The following BLTP2 variants were observed in gnomAD, a reference collection of about 807,000 sequenced individuals.
BLTP2 encodes bridge-like lipid transfer protein family member 2, also known as U937-associated antigen.
At chr17:28,643,559 C>T in the BLTP2 span, 1 of 1,565,042 alleles carries the variant, frequency 6.4e-7, no homozygotes, top group Non-Finnish European at 8.8e-7. Flanking sequence ...TCTGCAAACA[C>T]CAACTCCAAA....
At chr17:28,631,161 C>T in the BLTP2 span, among the ~76,000 whole-genome samples, 77 of 152,160 alleles carry the variant, frequency 5.1e-4, 1 homozygote, top group Middle Eastern at 0.014. Context: ...CATAAGGTCA[C>T]GAGGGTGGGG....
chr17:28,632,034 A>C, the BLTP2 span: 1 of 1,610,734 alleles, frequency 6.2e-7, no homozygotes, highest in Non-Finnish European at 8.5e-7. Flanking sequence ...GTCAGCAGGG[A>C]CATCAGTGCC....
the BLTP2 span, among the ~76,000 whole-genome samples, chr17:28,622,754 C>G: frequency 3.3e-5 from 5 of 152,162 alleles, no homozygotes; most frequent in African/African-American, 1.2e-4. Flanking sequence ...TTGTTTCTGC[C>G]AACTGCTCAC....
chr17:28,631,818 A>C, the BLTP2 span: 1 of 1,613,400 alleles, frequency 6.2e-7, no homozygotes, highest in Non-Finnish European at 8.5e-7. Context: ...CTTTCATTTT[A>C]CCTTGAGGTA....
the BLTP2 span, among the ~76,000 whole-genome samples, chr17:28,627,567 C>T: frequency 2.0e-5 from 3 of 152,174 alleles, no homozygotes; most frequent in Admixed American, 6.6e-5. Context: ...CCACCATGCA[C>T]GGCTAATTTT....
the BLTP2 span, chr17:28,614,597 AC>A: frequency 6.2e-6 from 1 of 160,392 alleles, no homozygotes; most frequent in Non-Finnish European, 1.4e-5. Context: ...GGAGGGGTTG[AC>A]CCCCACTCCA....
chr17:28,616,832 C>A, the BLTP2 span: 2 of 1,605,744 alleles, frequency 1.2e-6, no homozygotes, highest in Non-Finnish European at 1.7e-6. This position sits in a 1 kb window ranked among gnomAD's most constrained non-coding sequence, Gnocchi z 4.8. Context: ...TCGTGTAACA[C>A]ACAGGTGGCT....
the BLTP2 span, chr17:28,635,868 G>C: frequency 2.5e-6 from 1 of 404,592 alleles, no homozygotes; most frequent in East Asian, 4.6e-5. Context: ...TCTGAAAATA[G>C]GGGCCATGTG....
the BLTP2 span, chr17:28,624,412 G>C: frequency 6.2e-7 from 1 of 1,604,792 alleles, no homozygotes; most frequent in Non-Finnish European, 8.5e-7. Flanking sequence ...ATAGGAAGCA[G>C]GGAAAGGTCA....
chr17:28,617,006 G>A, the BLTP2 span: 1 of 1,599,734 alleles, frequency 6.3e-7, no homozygotes, highest in Non-Finnish European at 8.5e-7. Flanking sequence ...CTACCTGTAG[G>A]ATAGAGAGTA....
the BLTP2 span, chr17:28,637,814 A>G: frequency 5.0e-6 from 8 of 1,608,156 alleles, no homozygotes; most frequent in Middle Eastern, 1.6e-4. Context: ...ACACTTCAGT[A>G]TAGACTCCTT....
the BLTP2 span, among the ~76,000 whole-genome samples, chr17:28,623,265 A>G: frequency 5.9e-5 from 9 of 152,342 alleles, no homozygotes; most frequent in African/African-American, 1.9e-4. Flanking sequence ...TCACGATTAA[A>G]GGTGACTTGT....
chr17:28,621,728 G>C, the BLTP2 span, among the ~76,000 whole-genome samples: 1 of 152,020 alleles, frequency 6.6e-6, no homozygotes, highest in Non-Finnish European at 1.5e-5. Context: ...CACTTTGCCA[G>C]GCCCACAGGT....
At chr17:28,615,054 A>C in the BLTP2 span, 1 of 1,610,902 alleles carries the variant, frequency 6.2e-7, no homozygotes, top group Non-Finnish European at 8.5e-7. Flanking sequence ...CAGCCACTCG[A>C]ATCGCCAAAT....
At chr17:28,625,540 T>C in the BLTP2 span, among the ~76,000 whole-genome samples, 1 of 152,086 alleles carries the variant, frequency 6.6e-6, no homozygotes, top group Non-Finnish European at 1.5e-5. Flanking sequence ...CATGCCCAAA[T>C]GTGAACTCAA....
chr17:28,634,945 A>C, the BLTP2 span: 2 of 1,613,878 alleles, frequency 1.2e-6, no homozygotes, highest in Non-Finnish European at 1.7e-6. Context: ...ATCATCCAAG[A>C]AAACCCATGA....
the BLTP2 span, chr17:28,628,282 T>G: frequency 6.2e-7 from 1 of 1,614,144 alleles, no homozygotes; most frequent in South Asian, 1.1e-5. Flanking sequence ...TGACCCCTTA[T>G]CAGGTTGTCC....
the BLTP2 span, chr17:28,644,235 T>C: frequency 1.9e-6 from 3 of 1,597,238 alleles, no homozygotes; most frequent in Non-Finnish European, 2.6e-6. Flanking sequence ...CCAATGATGG[T>C]TTCCCTCACC....
the BLTP2 span, chr17:28,640,086 T>C: frequency 1.3e-6 from 2 of 1,585,918 alleles, no homozygotes; most frequent in South Asian, 1.1e-5. Context: ...TTCTTTTACT[T>C]TTATTTTTTA....
Sources: allele counts gnomAD v4.1 joint callset (sites outside exome capture counted in the v4.1 genomes callset), GRCh38; gene constraint gnomAD v4.1.1; non-coding constraint Gnocchi (gnomAD v3.1); transcripts MANE v1.5; gene names NCBI Gene and HGNC (gene_info 2026-07-23, HGNC 2026-07-21).